Variants in ALPK1 observed in about 807,000 individuals in gnomAD.
ALPK1 encodes alpha kinase 1.
A neutral mutation model predicts 120.6 loss-of-function variants in ALPK1; 110 were observed. The ratio of observed to expected loss-of-function variants is 0.91; its 90% CI spans 0.78 to 1.07. The LOEUF (loss-of-function observed/expected upper bound fraction) is 1.07. ALPK1 is among the 50% of genes least tolerant of loss of function. The pLI is 0.00. For synonymous variants in ALPK1, 582 were observed against 560.3 expected, an observed-to-expected ratio of 1.04 and a Z score of -0.55; for missense variants, 1,498 against 1,483.9, an observed-to-expected ratio of 1.01 and a Z score of -0.16.
Position 112,441,233 on chromosome 4 carries a change from T to A in ALPK1, c.*23T>A. On this transcript the variant is annotated 3_prime_UTR_variant, in exon 16 of 16. Transcript: ENST00000650871. ...TAGAATACGGCACAGTCTGGTCCTT[T>A]GGGGCTTGGGCAGGGCCGTGACACA... 1 of 1,517,758 alleles carries A rather than the reference T, an allele frequency of 6.6e-7. No homozygotes were observed. Among genetic ancestry groups the A allele is most frequent in the Non-Finnish European group, 9.2e-7 (1 of 1,092,192 alleles). The allele number at this position is 1,517,758 out of a possible 1,614,324, so 94.0% of individuals were successfully genotyped here. A position where few individuals can be genotyped will look rare whatever the true frequency, so the allele number is the denominator to read the frequency against.
At chr4:112,371,472 T>G (rs1300594858) in intron 2 of ALPK1, among the ~76,000 whole-genome samples, 2 of 152,218 alleles carry the variant, frequency 1.3e-5, no homozygotes, top group Non-Finnish European at 2.9e-5. Flanking sequence ...TCATTCCCTC[T>G]CTAGTTCCTT....
intron 2 of ALPK1, among the ~76,000 whole-genome samples, chr4:112,354,806 T>G (rs1402578598): frequency 6.6e-6 from 1 of 152,180 alleles, no homozygotes; most frequent in Non-Finnish European, 1.5e-5. Context: ...AATTTTTGCA[T>G]CATTTAATTA....
At chr4:112,390,126 G>A (rs1234742669) in intron 4 of ALPK1, among the ~76,000 whole-genome samples, 1 of 152,156 alleles carries the variant, frequency 6.6e-6, no homozygotes, top group African/African-American at 2.4e-5. Flanking sequence ...GCAAAACTCT[G>A]AAATGAGGCC....
chr4:112,338,246 G>A (rs778750836), intron 2 of ALPK1, among the ~76,000 whole-genome samples: 9 of 152,228 alleles, frequency 5.9e-5, no homozygotes, highest in South Asian at 4.1e-4. Flanking sequence ...GAATTCAGGC[G>A]TGAGCCACCG....
intron 4 of ALPK1, among the ~76,000 whole-genome samples, chr4:112,397,926 G>T (rs974769092): frequency 1.3e-5 from 2 of 152,164 alleles, no homozygotes; most frequent in African/African-American, 4.8e-5. Context: ...CTGTTGATGA[G>T]ATTGGGCACA....
At chr4:112,350,482 G>T (rs149005135) in intron 2 of ALPK1, among the ~76,000 whole-genome samples, 7 of 152,170 alleles carry the variant, frequency 4.6e-5, no homozygotes, top group Non-Finnish European at 1.0e-4. Context: ...TTCTGACTCC[G>T]TTGGTATAAA....
chr4:112,405,171 T>C (rs1231893956), intron 4 of ALPK1, among the ~76,000 whole-genome samples: 1 of 152,184 alleles, frequency 6.6e-6, no homozygotes, highest in African/African-American at 2.4e-5. Flanking sequence ...GTGAACTCAC[T>C]ACCTGGGCCT....
Position 112,442,537 on chromosome 4 carries a change from T to G in ALPK1, c.*1327T>G, listed in dbSNP as rs1426067175. On this transcript the variant is annotated 3_prime_UTR_variant, in exon 16 of 16. Transcript: ENST00000650871. Reference sequence around the variant, plus strand: ...GGTACTAGGCTGAATACCTGGGTGATGAAGTAATTCGCACAACAAACCCCC... The same window carrying G: ...GGTACTAGGCTGAATACCTGGGTGAGGAAGTAATTCGCACAACAAACCCCC... The G allele has an allele frequency of 1.3e-5, 2 of 151,664 alleles. No homozygotes were observed. Among genetic ancestry groups the G allele is most frequent in the African/African-American group, 4.8e-5 (2 of 41,238 alleles). 9.4% of individuals were successfully genotyped at this position (151,664 alleles called of 1,614,324 possible).
At chr4:112,359,736 TG>T in intron 2 of ALPK1, 1 of 320,652 alleles carries the variant, frequency 3.1e-6, no homozygotes. Flanking sequence ...AGTATCTGAG[TG>T]GGGCCTCTAG....
At chr4:112,400,255 AAAG>A (rs1191885486) in intron 4 of ALPK1, among the ~76,000 whole-genome samples, 1 of 152,196 alleles carries the variant, frequency 6.6e-6, no homozygotes, top group Non-Finnish European at 1.5e-5. Context: ...GATATAATGT[AAAG>A]AAGGATGAGA....
At chr4:112,392,246 C>CAACCA (rs892114580) in intron 4 of ALPK1, among the ~76,000 whole-genome samples, 5 of 152,122 alleles carry the variant, frequency 3.3e-5, no homozygotes, top group African/African-American at 1.2e-4. Context: ...CTCCCTCCAC[C>CAACCA]AACCAAACTT....
intron 11 of ALPK1, among the ~76,000 whole-genome samples, chr4:112,433,098 A>G (rs191561741): frequency 1.4e-4 from 21 of 152,266 alleles, no homozygotes; most frequent in Non-Finnish European, 2.4e-4. Flanking sequence ...TCATCTTTCT[A>G]TTGGGCAGAG....
chr4:112,320,302 C>T (rs777395691), intron 2 of ALPK1, among the ~76,000 whole-genome samples: 4 of 152,168 alleles, frequency 2.6e-5, no homozygotes, highest in Non-Finnish European at 5.9e-5. Flanking sequence ...TTGACATGAT[C>T]ATGTGATTTT....
Position 112,430,681 on chromosome 4 carries a change from A to G in ALPK1, c.1134A>G (p.Ala378=), listed in dbSNP as rs1424335139. Residue 378 remains alanine (A), a synonymous_variant, in exon 11 of 16, where the codon GCA becomes GCG. Transcript: ENST00000650871. ...LHGETGTVHA[A]SQLCKEAMGK... ...GGGAGACAGGGACGGTCCATGCAGC[A>G]AGTCAGCTCTGTAAGGAAGCAATGG... 1.2e-6 allele frequency: 2 copies of G among 1,614,088 alleles called. No homozygotes were observed. The highest frequency in any genetic ancestry group is 1.7e-5 in the Admixed American group (1 of 60,004).
At position 112,338,432 on chromosome 4, in the gene ALPK1, A is replaced by G. The variant is rs111684683; in HGVS notation, c.-101+22580A>G. ...ATTAGAAAGTGATACTAAACAGACA[A>G]TCAGAAAAAATGTATATAAGGGATA... On this transcript the variant is annotated intron_variant, in intron 2 of 15. Coordinates refer to ENST00000650871, the MANE Select transcript of ALPK1 (RefSeq NM_025144.4). Among the ~76,000 whole-genome samples the G allele has an allele frequency of 3.0e-4, 45 of 152,320 alleles. 1 individual carries two copies. The highest frequency in any genetic ancestry group is 1.1e-3 in the African/African-American group (44 of 41,570).
chr4:112,330,273 CAAG>C (rs1194894409), intron 2 of ALPK1, among the ~76,000 whole-genome samples: 3 of 152,066 alleles, frequency 2.0e-5, no homozygotes, highest in Admixed American at 6.6e-5. Context: ...AACTTAATTC[CAAG>C]AAGAATTTAT....
intron 2 of ALPK1, among the ~76,000 whole-genome samples, chr4:112,340,498 A>G (rs1383444744): frequency 3.3e-5 from 5 of 152,244 alleles, no homozygotes; most frequent in African/African-American, 1.2e-4. Flanking sequence ...AAGTAATTTC[A>G]GTCACTCAAA....
At chr4:112,328,134 T>G (rs1729197604) in intron 2 of ALPK1, among the ~76,000 whole-genome samples, 1 of 152,240 alleles carries the variant, frequency 6.6e-6, no homozygotes, top group Non-Finnish European at 1.5e-5. Context: ...TGACAGGACT[T>G]AGTAAAGTCG....
At chr4:112,327,893 G>A (rs1405272276) in intron 2 of ALPK1, among the ~76,000 whole-genome samples, 1 of 152,206 alleles carries the variant, frequency 6.6e-6, no homozygotes, top group Non-Finnish European at 1.5e-5. Flanking sequence ...GAAGAGTGCA[G>A]TCAATATCTA....
Sources: allele counts gnomAD v4.1 joint callset (sites outside exome capture counted in the v4.1 genomes callset), GRCh38; gene constraint gnomAD v4.1.1; transcripts MANE v1.5; gene names NCBI Gene and HGNC (gene_info 2026-07-23, HGNC 2026-07-21).